KRT8: variants seen among roughly 807,000 people sequenced by gnomAD.
KRT8 encodes the protein keratin, type II cytoskeletal 8.
Under a neutral mutation model 43.0 loss-of-function variants are expected in KRT8, and 24 were observed. The observed-to-expected ratio is 0.56, with a 90% CI of 0.40 to 0.78. The LOEUF is 0.78. Among genes scored for constraint, KRT8 ranks in the 30% least tolerant of loss-of-function variants. KRT8 has a pLI of 0.00. For synonymous variants in KRT8, 214 were observed against 261.2 expected (o/e 0.82, Z 1.74); for missense variants, 492 against 638.4 (o/e 0.77, Z 2.47).
rs1194326921 is a variant in KRT8 at position 52,938,168 on chromosome 12, A to ATTTT, written c.-47+11287_-47+11288insAAAA. On this transcript the variant is annotated intron_variant, in intron 2 of 6. Coordinates refer to the KRT8 transcript ENST00000546826. Reference sequence around the variant, plus strand: ...TATATATATATATATATATATATATATATTTTTTTTTTTTTTTATATATAA... The same window carrying ATTTT: ...TATATATATATATATATATATATATATTTTTATTTTTTTTTTTTTTTATATATAA... Among the ~76,000 whole-genome samples, 82 of 35,410 alleles carry ATTTT rather than the reference A, an allele frequency of 2.3e-3. 2 individuals carry two copies. Among genetic ancestry groups the ATTTT allele is most frequent in the Non-Finnish European group, 2.0e-3 (42 of 20,982 alleles). The allele number at this position is 35,410 out of a possible 152,430, so 23.2% of individuals were successfully genotyped here. A position where few individuals can be genotyped will look rare whatever the true frequency, so the allele number is the denominator to read the frequency against.
intron 2 of KRT8, among the ~76,000 whole-genome samples, chr12:52,924,168 G>A (rs1222107376): frequency 6.6e-6 from 1 of 152,092 alleles, no homozygotes; most frequent in Non-Finnish European, 1.5e-5. Context: ...CATACATTAG[G>A]CCAGGCGCAG....
intron 2 of KRT8, among the ~76,000 whole-genome samples, chr12:52,944,531 C>G (rs558681747): frequency 6.6e-6 from 1 of 152,286 alleles, no homozygotes; most frequent in East Asian, 1.9e-4. Context: ...CCAACAGCAC[C>G]AGGGTCAGAA....
intron 1 of KRT8, among the ~76,000 whole-genome samples, chr12:52,904,121 C>A (rs2120579080): frequency 6.6e-6 from 1 of 151,642 alleles, no homozygotes; most frequent in East Asian, 1.9e-4. Flanking sequence ...CACACCAAAC[C>A]CCTATGTAAA....
chr12:52,935,673 T>A (rs1942159306), intron 2 of KRT8, among the ~76,000 whole-genome samples: 1 of 151,728 alleles, frequency 6.6e-6, no homozygotes, highest in Admixed American at 6.6e-5. Flanking sequence ...AGACACATTC[T>A]TGTTCTGTCA....
intron 1 of KRT8, chr12:52,949,697 G>C (rs1272505681): frequency 9.7e-7 from 1 of 1,029,894 alleles, no homozygotes; most frequent in South Asian, 1.3e-5. Context: ...TACTCCACCG[G>C]GAGGGGGTTG....
At chr12:52,907,083 A>ACCTCC (rs980472073), upstream of KRT8, 2 of 215,884 alleles carry the variant, frequency 9.3e-6, no homozygotes, top group African/African-American at 4.7e-5. Flanking sequence ...TGGCTCCTTC[A>ACCTCC]CCTCCCCTCC....
chr12:52,938,500 A>C (rs980137909), intron 2 of KRT8, among the ~76,000 whole-genome samples: 1 of 151,910 alleles, frequency 6.6e-6, no homozygotes, highest in African/African-American at 2.4e-5. Flanking sequence ...TAACAGGCCA[A>C]GCACAGTGGC....
At chr12:52,900,502 G>A (rs1467206597) in intron 4 of KRT8, 86 bp downstream of exon 4, 21 of 845,762 alleles carry the variant, frequency 2.5e-5, no homozygotes, top group Non-Finnish European at 3.9e-5. Flanking sequence ...GTGTGCTGGG[G>A]GCTGGGAGGA....
At chr12:52,944,585 C>G (rs574878871) in intron 2 of KRT8, among the ~76,000 whole-genome samples, 38 of 152,320 alleles carry the variant, frequency 2.5e-4, no homozygotes, top group South Asian at 6.2e-4. Context: ...CCTGGTGGGG[C>G]TGGGCCAGGG....
upstream of KRT8, among the ~76,000 whole-genome samples, chr12:52,907,462 C>A (rs1013553059): frequency 2.0e-5 from 3 of 152,188 alleles, no homozygotes; most frequent in Non-Finnish European, 4.4e-5. Context: ...CTGATCTAGG[C>A]AGCACAAGGA....
intron 2 of KRT8, among the ~76,000 whole-genome samples, chr12:52,913,230 C>T (rs746428278): frequency 1.3e-5 from 2 of 152,198 alleles, no homozygotes; most frequent in Admixed American, 1.3e-4. Context: ...ACCCCATCCC[C>T]ACCTGCTGGA....
At chr12:52,915,593 C>T (rs1453287518) in intron 2 of KRT8, among the ~76,000 whole-genome samples, 1 of 151,808 alleles carries the variant, frequency 6.6e-6, no homozygotes, top group African/African-American at 2.4e-5. Flanking sequence ...GCCTGTAGTC[C>T]CAGCTACTTG....
intron 2 of KRT8, among the ~76,000 whole-genome samples, chr12:52,941,185 G>C (rs1484365672): frequency 6.6e-6 from 1 of 151,408 alleles, no homozygotes; most frequent in African/African-American, 2.4e-5. Flanking sequence ...TCCTGCCTCA[G>C]CCTCCCGAGT....
At chr12:52,918,771 G>A (rs1941828351) in intron 2 of KRT8, among the ~76,000 whole-genome samples, 1 of 152,050 alleles carries the variant, frequency 6.6e-6, no homozygotes, top group African/African-American at 2.4e-5. Flanking sequence ...TTGTCCCCCA[G>A]CCTTTCCCAA....
chr12:52,921,078 G>A (rs1048661164), intron 2 of KRT8, among the ~76,000 whole-genome samples: 2 of 152,180 alleles, frequency 1.3e-5, no homozygotes, highest in African/African-American at 4.8e-5. Flanking sequence ...CTGTTGACCT[G>A]GATGGTGGGA....
At chr12:52,942,434 G>A (rs1012111767) in intron 2 of KRT8, among the ~76,000 whole-genome samples, 6 of 152,110 alleles carry the variant, frequency 3.9e-5, no homozygotes, top group Non-Finnish European at 7.3e-5. Flanking sequence ...TTAACCCCAT[G>A]ATTTTCAGTG....
At chr12:52,898,499 T>C (rs1302193499) in exon 7 of KRT8, 2 of 1,614,072 alleles carry the variant, frequency 1.2e-6, no homozygotes, top group South Asian at 1.1e-5. Flanking sequence ...AATACTCATG[T>C]TCTGCATCCC....
intron 2 of KRT8, among the ~76,000 whole-genome samples, chr12:52,929,188 CTT>C (rs59896088): frequency 0.36 from 48,117 of 132,922 alleles, 8,692 homozygotes; most frequent in Middle Eastern, 0.43. Context: ...TCCTTCCTTT[CTT>C]TTTTTTTTTT....
At position 52,899,085 on chromosome 12, in the gene KRT8, C is replaced by T. The variant is rs559180069; in HGVS notation, c.982-186G>A. On this transcript the variant is annotated intron_variant, in intron 5 of 7. Transcript: ENST00000692008. ...ATCCCAGCACTTTGGGAGGCCGAGG[C>T]GGGCAGATCACAAGGTCAGGAGATC... is the stretch of plus-strand genomic sequence containing the variant. The T allele has an allele frequency of 5.6e-5, 35 of 622,282 alleles. No homozygotes were observed. The East Asian group carries it at 5.8e-4, about 10-fold the overall frequency. The allele number at this position is 622,282 out of a possible 1,614,324, so 38.5% of individuals were successfully genotyped here. A position where few individuals can be genotyped will look rare whatever the true frequency, so the allele number is the denominator to read the frequency against.
Sources: allele counts gnomAD v4.1 joint callset (sites outside exome capture counted in the v4.1 genomes callset), GRCh38; gene constraint gnomAD v4.1.1; transcripts MANE v1.5; gene names NCBI Gene and HGNC (gene_info 2026-07-23, HGNC 2026-07-21).